Variants in RFPL4A observed in about 807,000 individuals in gnomAD.
RFPL4A encodes the protein ret finger protein like 4A.
In RFPL4A, 4 loss-of-function variants were observed where a neutral mutation model predicts 8.3. The ratio of observed to expected loss-of-function variants is 0.48; its 90% CI spans 0.24 to 1.10. The LOEUF (loss-of-function observed/expected upper bound fraction) is 1.10. RFPL4A is among the 50% of genes least tolerant of loss of function. The probability of loss-of-function intolerance (pLI) is 0.18; values close to 1 mark genes in which losing one functional copy is unlikely to be tolerated. For synonymous variants in RFPL4A, 43 were observed against 136.6 expected, an observed-to-expected ratio of 0.31 and a Z score of 4.78; for missense variants, 111 against 358.7, an observed-to-expected ratio of 0.31 and a Z score of 5.58.
upstream of RFPL4A, among the ~76,000 whole-genome samples, chr19:55,758,008 A>T (rs1231880658): frequency 6.6e-6 from 1 of 152,370 alleles, no homozygotes; most frequent in East Asian, 1.9e-4. Flanking sequence ...TTTTAAAAGG[A>T]TTTATATGAG....
Position 55,761,777 on chromosome 19 carries a change from A to C in RFPL4A, c.-9-15A>C. 6 of 1,317,348 alleles carry C rather than the reference A, an allele frequency of 4.6e-6. No homozygotes were observed. The South Asian group carries it at 6.6e-5, about 14-fold the overall frequency. The allele number at this position is 1,317,348 out of a possible 1,614,324, so 81.6% of individuals were successfully genotyped here. A position where few individuals can be genotyped will look rare whatever the true frequency, so the allele number is the denominator to read the frequency against. ...TCGTGGAAATTCTAATTCTGTGTTC[A>C]TTTTTTTTCTATAGACATTTGCCAT... On this transcript the variant is annotated splice_polypyrimidine_tract_variant and intron_variant, in intron 1 of 2. Transcript: ENST00000434937.
chr19:55,762,881 T>C lies in RFPL4A; in HGVS notation c.570T>C (p.Gly190=). 1 of 1,537,256 alleles carries C rather than the reference T, an allele frequency of 6.5e-7. No individual in the cohort carries two copies. ...CAGAACACGGCTTCTTGACTGTGGG[T>C]TGCAGAGAAGGAAAGGTCTTTGCTG... ...LSSEHGFLTV[G]CREGKVFAAS... The change falls in exon 3 of 3, where the codon GGT becomes GGC. Residue 190 remains glycine, a synonymous_variant. Coordinates refer to ENST00000434937, the MANE Select transcript of RFPL4A (RefSeq NM_001145014.2).
At chr19:55,757,434 G>A (rs564285485), upstream of RFPL4A, among the ~76,000 whole-genome samples, 12 of 152,100 alleles carry the variant, frequency 7.9e-5, no homozygotes, top group South Asian at 1.7e-3. Context: ...GGAAGCCACC[G>A]AAGCCAACCA....
At chr19:55,759,013 A>G (rs1989230069), upstream of RFPL4A, 1 of 147,738 alleles carries the variant, frequency 6.8e-6, no homozygotes, top group Admixed American at 6.8e-5. Context: ...ATGATGGCAG[A>G]ATGAAATCAG....
chr19:55,760,141 C>A (rs1989252891), intron 1 of RFPL4A, among the ~76,000 whole-genome samples: 1 of 151,456 alleles, frequency 6.6e-6, no homozygotes, highest in Non-Finnish European at 1.5e-5. Flanking sequence ...AGTGGTTGTA[C>A]CATTTTCTTT....
upstream of RFPL4A, among the ~76,000 whole-genome samples, chr19:55,758,195 A>G (rs1989209698): frequency 6.6e-6 from 1 of 152,282 alleles, no homozygotes; most frequent in South Asian, 2.1e-4. Context: ...ACCACAACGT[A>G]GAGATTTGTG....
At chr19:55,760,729 G>A (rs1989264484) in intron 1 of RFPL4A, among the ~76,000 whole-genome samples, 1 of 151,488 alleles carries the variant, frequency 6.6e-6, no homozygotes, top group South Asian at 2.1e-4. Flanking sequence ...GTTCCTCCTT[G>A]TCCTTGTAAT....
At position 55,761,855 on chromosome 19, in the gene RFPL4A, G is replaced by A. The variant is rs1268586494; in HGVS notation, c.55G>A (p.Glu19Lys). The A allele has an allele frequency of 4.7e-6, 7 of 1,492,880 alleles. No individual in the cohort carries two copies. In the South Asian group the frequency reaches 6.1e-5, roughly 13 times the overall value. 92.5% of individuals were successfully genotyped at this position (1,492,880 alleles called of 1,614,324 possible). The change falls in exon 2 of 3, where the codon GAA becomes AAA. Residue 19 changes from glutamate (E) to lysine (K), a missense_variant. Coordinates refer to ENST00000434937, the MANE Select transcript of RFPL4A (RefSeq NM_001145014.2). Reference sequence around the variant, plus strand: ...ATGTCCTGTCTGTCTAAAAGATCTTGAAGAAGCCGTGCAACTGAAATGTGG... The same window carrying A: ...ATGTCCTGTCTGTCTAAAAGATCTTAAAGAAGCCGTGCAACTGAAATGTGG... ...IRCPVCLKDL[E>K]EAVQLKCGYA...
At chr19:55,758,653 A>G (rs1391547117), upstream of RFPL4A, among the ~76,000 whole-genome samples, 623 of 145,650 alleles carry the variant, frequency 4.3e-3, no homozygotes, top group African/African-American at 0.012. Context: ...CATTATAGAG[A>G]AAATGATTTT....
chr19:55,760,477 G>C (rs1451235761), intron 1 of RFPL4A, among the ~76,000 whole-genome samples: 1 of 151,484 alleles, frequency 6.6e-6, no homozygotes, highest in Non-Finnish European at 1.5e-5. Context: ...TGGCCTTCGG[G>C]GTTTCTATTT....
Position 55,763,083 on chromosome 19 carries a change from C to T in RFPL4A, c.772C>T (p.Arg258Cys), listed in dbSNP as rs751034639. ...CTGGCGTCCATTTTTTGCTCATAAACGTGGAAGTCAAGATGATCAGAGCAT... is the reference window on the plus strand; with the variant it reads ...CTGGCGTCCATTTTTTGCTCATAAATGTGGAAGTCAAGATGATCAGAGCAT... The part of the protein sequence containing the change: ...EPWRPFFAHK[R>C]GSQDDQSILS... The change falls in exon 3 of 3, where the codon CGT becomes TGT. Residue 258 changes from arginine to cysteine, a missense_variant. Physicochemically the swap from Arg to Cys is radical, Grantham distance 180. Coordinates refer to ENST00000434937, the MANE Select transcript of RFPL4A (RefSeq NM_001145014.2). The T allele has an allele frequency of 2.2e-4, 338 of 1,550,800 alleles. No homozygotes were observed. The highest frequency in any genetic ancestry group is 2.9e-4 in the Non-Finnish European group (329 of 1,146,854).
intron 1 of RFPL4A, among the ~76,000 whole-genome samples, chr19:55,761,111 G>T (rs1989273312): frequency 1.5e-5 from 2 of 129,712 alleles, no homozygotes; most frequent in Admixed American, 7.6e-5. Flanking sequence ...CCGCTATGCA[G>T]AAGATTCAGT....
Position 55,762,810 on chromosome 19 carries a change from G to A in RFPL4A, c.499G>A (p.Val167Met), listed in dbSNP as rs752204786. ...VGTSQVWDVG[V>M]CKESVNRQGK... ...CACCAGCCAAGTGTGGGATGTGGGC[G>A]TGTGCAAGGAATCTGTGAACCGACA... The change falls in exon 3 of 3, where the codon GTG (valine) becomes ATG (methionine). Residue 167 changes from valine to methionine, a missense_variant. Val to Met is a conservative substitution (Grantham distance 21, BLOSUM62 1). Transcript: ENST00000434937. 122 of 1,475,242 alleles carry A rather than the reference G, an allele frequency of 8.3e-5. No homozygotes were observed. Among genetic ancestry groups the A allele is most frequent in the East Asian group, 6.9e-4 (28 of 40,840 alleles). The allele number at this position is 1,475,242 out of a possible 1,614,324, so 91.4% of individuals were successfully genotyped here.
At chr19:55,758,446 G>C (rs1477223363), upstream of RFPL4A, among the ~76,000 whole-genome samples, 1 of 151,890 alleles carries the variant, frequency 6.6e-6, no homozygotes, top group Non-Finnish European at 1.5e-5. Context: ...TGAGGAACCC[G>C]TTTTTGAACA....
chr19:55,758,443 C>T (rs1989216575), upstream of RFPL4A, among the ~76,000 whole-genome samples: 2 of 151,926 alleles, frequency 1.3e-5, no homozygotes, highest in Admixed American at 6.6e-5. Context: ...ACATGAGGAA[C>T]CCGTTTTTGA....
chr19:55,762,014 T>C lies in RFPL4A; in HGVS notation c.214T>C (p.Ser72Pro), dbSNP rs1989295268. The change falls in exon 2 of 3, where the codon TCC becomes CCC. Residue 72 changes from serine to proline, a missense_variant. Ser to Pro is a moderately conservative substitution (Grantham distance 74, BLOSUM62 -1). Coordinates refer to ENST00000434937, the MANE Select transcript of RFPL4A (RefSeq NM_001145014.2). ...CAAGTACAAGCTGAGGGCGCTGGTT[T>C]CCATCATCAAGGAACTAGAGCCCAA... ...KPKYKLRALV[S>P]IIKELEPKLK... 4 of 1,510,724 alleles carry C rather than the reference T, an allele frequency of 2.6e-6. No individual in the cohort carries two copies. The highest frequency in any genetic ancestry group is 3.6e-6 in the Non-Finnish European group (4 of 1,116,180). The allele number at this position is 1,510,724 out of a possible 1,614,324, so 93.6% of individuals were successfully genotyped here. A position where few individuals can be genotyped will look rare whatever the true frequency, so the allele number is the denominator to read the frequency against.
At chr19:55,761,085 C>CGGTTT (rs1568614751) in intron 1 of RFPL4A, among the ~76,000 whole-genome samples, 1 of 94,556 alleles carries the variant, frequency 1.1e-5, no homozygotes, top group East Asian at 2.7e-4. Flanking sequence ...CTGGTTTTTC[C>CGGTTT]TTTTTTTTTT....
upstream of RFPL4A, among the ~76,000 whole-genome samples, chr19:55,757,423 C>G (rs1269281520): frequency 6.6e-6 from 1 of 151,960 alleles, no homozygotes; most frequent in Non-Finnish European, 1.5e-5. Context: ...GCCTGGGGAT[C>G]GGAAGCCACC....
chr19:55,763,139 C>T lies in RFPL4A; in HGVS notation c.828C>T (p.Ser276=), dbSNP rs748218796. Residue 276 remains serine (S), a synonymous_variant, in exon 3 of 3, where the codon TCC becomes TCT. Coordinates refer to ENST00000434937, the MANE Select transcript of RFPL4A (RefSeq NM_001145014.2). ...GTATCTGTTCTGTGATCAATCCATCCGCTGCCAGTGCCCCAGTTTCTTCTG... is the reference window on the plus strand; with the variant it reads ...GTATCTGTTCTGTGATCAATCCATCTGCTGCCAGTGCCCCAGTTTCTTCTG... The part of the protein sequence containing the change: ...ILSICSVINP[S]AASAPVSSEG... 1,073 of 1,485,190 alleles carry T rather than the reference C, an allele frequency of 7.2e-4. 9 individuals carry two copies. Among genetic ancestry groups the T allele is most frequent in the Non-Finnish European group, 9.3e-4 (1,031 of 1,113,336 alleles). 92.0% of individuals were successfully genotyped at this position (1,485,190 alleles called of 1,614,324 possible).
Sources: gnomAD v4.1 joint callset for allele counts (sites outside exome capture counted in the v4.1 genomes callset) on GRCh38, gnomAD v4.1.1 for gene constraint, MANE v1.5 for transcripts, NCBI Gene and HGNC (gene_info 2026-07-23, HGNC 2026-07-21) for gene names.